Variants in LY96 observed in about 807,000 individuals in gnomAD.
The protein encoded by LY96 is myeloid differentiation protein-2.
LY96 carries 18 observed loss-of-function variants against 18.9 expected under a neutral mutation model. That is an observed-to-expected ratio of 0.95 (90% confidence interval 0.66 to 1.41). The LOEUF (loss-of-function observed/expected upper bound fraction) is 1.41, where lower values mean the gene tolerates loss of function less well. Among genes scored for constraint, LY96 ranks in the 40% most tolerant of loss-of-function variants. The pLI is 0.00. For synonymous variants in LY96, 66 were observed against 62.6 expected, an observed-to-expected ratio of 1.06 and a Z score of -0.26; for missense variants, 175 against 182.4, an observed-to-expected ratio of 0.96 and a Z score of 0.23.
chr8:74,071,248 A>G, the LY96 span, among the ~76,000 whole-genome samples: 6 of 146,436 alleles, frequency 4.1e-5, no homozygotes, highest in Admixed American at 1.4e-4. Flanking sequence ...TCTTACAAGG[A>G]CTTTTTTTTT....
the LY96 span, among the ~76,000 whole-genome samples, chr8:74,082,976 G>A: frequency 5.9e-5 from 9 of 152,160 alleles, no homozygotes; most frequent in African/African-American, 1.9e-4. Context: ...AAAGGTGAGA[G>A]AGGACTTCCT....
chr8:74,032,189 A>G (rs966137428), downstream of LY96, among the ~76,000 whole-genome samples: 13 of 152,188 alleles, frequency 8.5e-5, no homozygotes, highest in Non-Finnish European at 1.9e-4. Context: ...CCGAAAAGCC[A>G]CAGGGGATTG....
intron 3 of LY96, among the ~76,000 whole-genome samples, chr8:74,025,420 CGA>C: frequency 6.6e-6 from 1 of 151,866 alleles, no homozygotes; most frequent in South Asian, 2.1e-4. Flanking sequence ...TTTGGAAGGC[CGA>C]GGCAGGCAGA....
the LY96 span, among the ~76,000 whole-genome samples, chr8:74,068,089 A>AAAAAATATATATATAT: frequency 2.9e-5 from 2 of 67,932 alleles, no homozygotes; most frequent in African/African-American, 9.6e-5. Flanking sequence ...AAAAAAAAAA[A>AAAAAATATATATATAT]ATATATATAT....
the LY96 span, among the ~76,000 whole-genome samples, chr8:74,099,060 T>C: frequency 1.9e-3 from 285 of 152,380 alleles, no homozygotes; most frequent in Middle Eastern, 6.8e-3. Context: ...TTGGTATTCT[T>C]GACCCATTTT....
intron 3 of LY96, among the ~76,000 whole-genome samples, chr8:74,025,238 T>G (rs1358731583): frequency 6.6e-6 from 1 of 152,218 alleles, no homozygotes. Context: ...AGGCTTTCAA[T>G]AAGTGAGTTG....
intron 1 of LY96, among the ~76,000 whole-genome samples, chr8:73,999,734 G>A (rs1816225520): frequency 6.6e-6 from 1 of 152,118 alleles, no homozygotes; most frequent in East Asian, 1.9e-4. Context: ...GCCCAGGCTA[G>A]TCTTGAACTC....
the LY96 span, among the ~76,000 whole-genome samples, chr8:74,070,383 G>A: frequency 1.3e-5 from 2 of 152,036 alleles, no homozygotes; most frequent in Non-Finnish European, 2.9e-5. Flanking sequence ...GAGCCACCGC[G>A]CCCGGCCTCC....
At chr8:74,095,888 A>G in the LY96 span, among the ~76,000 whole-genome samples, 5 of 152,148 alleles carry the variant, frequency 3.3e-5, no homozygotes, top group African/African-American at 1.2e-4. Context: ...AGACTCACAG[A>G]GCCAACCATC....
At chr8:74,065,466 A>G in the LY96 span, among the ~76,000 whole-genome samples, 1 of 152,356 alleles carries the variant, frequency 6.6e-6, no homozygotes, top group Non-Finnish European at 1.5e-5. Flanking sequence ...ATTCTAAGAC[A>G]TCACATGAGG....
the LY96 span, among the ~76,000 whole-genome samples, chr8:74,063,970 G>A: frequency 6.6e-6 from 1 of 152,010 alleles, no homozygotes; most frequent in Non-Finnish European, 1.5e-5. Flanking sequence ...TCTGTTGGTT[G>A]GTACTGCTAA....
intron 1 of LY96, 63 bp downstream of exon 1, chr8:73,991,617 GA>G (rs956256322): frequency 6.6e-5 from 63 of 950,974 alleles, no homozygotes; most frequent in Non-Finnish European, 9.5e-5. Context: ...GTTTTCACGA[GA>G]ACCGTACACT....
chr8:74,087,587 T>G, the LY96 span, among the ~76,000 whole-genome samples: 5 of 152,162 alleles, frequency 3.3e-5, no homozygotes, highest in African/African-American at 1.2e-4. Flanking sequence ...GTGGCCAAGG[T>G]TCACTGTTTT....
chr8:74,086,869 G>A, the LY96 span, among the ~76,000 whole-genome samples: 7 of 152,194 alleles, frequency 4.6e-5, no homozygotes, highest in South Asian at 2.1e-4. Context: ...TGCAGCCCTC[G>A]CTAGACGTTG....
At chr8:74,042,388 G>T in the LY96 span, among the ~76,000 whole-genome samples, 2 of 152,148 alleles carry the variant, frequency 1.3e-5, no homozygotes, top group Admixed American at 6.5e-5. Context: ...AGACATGGTG[G>T]CAGGTGCCTG....
At chr8:74,090,163 T>A in the LY96 span, among the ~76,000 whole-genome samples, 1 of 152,136 alleles carries the variant, frequency 6.6e-6, no homozygotes, top group Non-Finnish European at 1.5e-5. Context: ...GGTTGACCAG[T>A]AAGGAGACCC....
At chr8:74,080,057 G>A in the LY96 span, among the ~76,000 whole-genome samples, 2 of 152,296 alleles carry the variant, frequency 1.3e-5, no homozygotes, top group Admixed American at 6.5e-5. Context: ...AATGAAAAGA[G>A]CGAAGGAGTG....
the LY96 span, among the ~76,000 whole-genome samples, chr8:74,060,178 G>A: frequency 2.0e-5 from 3 of 152,014 alleles, no homozygotes; most frequent in Non-Finnish European, 2.9e-5. Flanking sequence ...CGACGACGAC[G>A]ACAACGAAAA....
chr8:74,081,855 T>G, the LY96 span, among the ~76,000 whole-genome samples: 1 of 152,186 alleles, frequency 6.6e-6, no homozygotes, highest in African/African-American at 2.4e-5. Context: ...GGTTTCACCA[T>G]GCTGGCCAGG....
Sources: gnomAD v4.1 joint callset for allele counts (sites outside exome capture counted in the v4.1 genomes callset) on GRCh38, gnomAD v4.1.1 for gene constraint, MANE v1.5 for transcripts, NCBI Gene and HGNC (gene_info 2026-07-23, HGNC 2026-07-21) for gene names.